The following STK32B variants were observed in gnomAD, a reference collection of about 807,000 sequenced individuals.
The protein encoded by STK32B is serine/threonine-protein kinase 32B.
In STK32B, 43 loss-of-function variants were observed where a neutral mutation model predicts 52.6. That is an observed-to-expected ratio of 0.82 (90% CI 0.64 to 1.05). STK32B has a LOEUF of 1.05. STK32B is among the 50% of genes least tolerant of loss of function. The pLI is 0.00. For missense variants in STK32B, 621 were observed against 534.6 expected (o/e 1.16, Z -1.59); for synonymous variants, 238 against 204.3 (o/e 1.17, Z -1.41).
intron 1 of STK32B, among the ~76,000 whole-genome samples, chr4:5,118,924 G>A (rs1344747604): frequency 1.3e-5 from 2 of 152,204 alleles, no homozygotes; most frequent in Non-Finnish European, 2.9e-5. Context: ...CAGCACCATA[G>A]ACGAGTGCTT....
chr4:5,157,695 T>G (rs1447613825), intron 2 of STK32B, among the ~76,000 whole-genome samples: 1 of 152,192 alleles, frequency 6.6e-6, no homozygotes, highest in Non-Finnish European at 1.5e-5. Context: ...AAGCGAGGAC[T>G]TAGAATGTGT....
intron 11 of STK32B, among the ~76,000 whole-genome samples, chr4:5,483,973 T>C (rs1304748802): frequency 6.6e-6 from 1 of 152,198 alleles, no homozygotes; most frequent in Non-Finnish European, 1.5e-5. Flanking sequence ...TAATTTCTGT[T>C]CTTTTACATT....
intron 1 of STK32B, among the ~76,000 whole-genome samples, chr4:5,118,791 G>C (rs1481149867): frequency 6.6e-6 from 1 of 152,190 alleles, no homozygotes; most frequent in African/African-American, 2.4e-5. Flanking sequence ...TCCCATGTCT[G>C]ACCCAGGTGG....
intron 4 of STK32B, among the ~76,000 whole-genome samples, chr4:5,355,386 G>C (rs750779590): frequency 6.6e-6 from 1 of 152,076 alleles, no homozygotes; most frequent in Non-Finnish European, 1.5e-5. Flanking sequence ...TACATGCCCA[G>C]ACTACCTCCA....
intron 1 of STK32B, among the ~76,000 whole-genome samples, chr4:5,109,539 A>G (rs751206117): frequency 1.1e-4 from 16 of 152,244 alleles, no homozygotes; most frequent in African/African-American, 1.7e-4. Flanking sequence ...AGATGCAGAA[A>G]AAGCAGATTG....
intron 3 of STK32B, among the ~76,000 whole-genome samples, chr4:5,318,026 A>G (rs1406120864): frequency 6.6e-6 from 1 of 152,126 alleles, no homozygotes; most frequent in African/African-American, 2.4e-5. Flanking sequence ...ATCCTTCTGA[A>G]TGCCTGCTGA....
chr4:5,100,094 C>A (rs939200075), intron 1 of STK32B, among the ~76,000 whole-genome samples: 9 of 152,052 alleles, frequency 5.9e-5, no homozygotes, highest in Non-Finnish European at 1.3e-4. Flanking sequence ...GAATGACTTG[C>A]CAAGGCCACA....
At chr4:5,090,002 G>A (rs750048484) in intron 1 of STK32B, among the ~76,000 whole-genome samples, 6 of 152,066 alleles carry the variant, frequency 3.9e-5, no homozygotes, top group African/African-American at 9.7e-5. Context: ...TGGTGGCTGC[G>A]TAAATGTTTT....
intron 6 of STK32B, among the ~76,000 whole-genome samples, chr4:5,446,026 T>A (rs1715381846): frequency 6.6e-6 from 1 of 152,256 alleles, no homozygotes; most frequent in South Asian, 2.1e-4. Context: ...TCACTCTGGG[T>A]TTACCCCACC....
chr4:5,034,699 C>T, the STK32B span, among the ~76,000 whole-genome samples: 1 of 152,168 alleles, frequency 6.6e-6, no homozygotes, highest in Admixed American at 6.5e-5. Flanking sequence ...GCGATATATT[C>T]AGACATCCCC....
intron 11 of STK32B, among the ~76,000 whole-genome samples, chr4:5,487,033 T>C (rs935356933): frequency 1.3e-5 from 2 of 152,214 alleles, no homozygotes; most frequent in Non-Finnish European, 2.9e-5. Context: ...ACCCAGTTCA[T>C]ATGATCAGTT....
intron 3 of STK32B, among the ~76,000 whole-genome samples, chr4:5,230,179 T>G (rs1385600491): frequency 1.1e-4 from 1 of 8,986 alleles, no homozygotes; most frequent in Admixed American, 8.3e-4. Flanking sequence ...ATGCATTCCC[T>G]TTTTTTTTTT....
At chr4:5,332,146 G>T (rs564728451) in intron 4 of STK32B, among the ~76,000 whole-genome samples, 1 of 152,188 alleles carries the variant, frequency 6.6e-6, no homozygotes, top group Non-Finnish European at 1.5e-5. Context: ...AGGTAAAGAT[G>T]ACAGATTAAG....
intron 1 of STK32B, among the ~76,000 whole-genome samples, chr4:5,127,316 G>C (rs1715464169): frequency 6.6e-6 from 1 of 152,174 alleles, no homozygotes; most frequent in Non-Finnish European, 1.5e-5. Flanking sequence ...TCCTGGTGAG[G>C]TTCACCTGGT....
In STK32B at chr4:5,398,393, T is replaced by A. The variant is rs541984657; in HGVS notation, c.472+149T>A. ...TTGTTTCAATCCTGGTGGATCAACATCTGTGTAAATTTCTGGTCCATGTCC... is the reference window on the plus strand; with the variant it reads ...TTGTTTCAATCCTGGTGGATCAACAACTGTGTAAATTTCTGGTCCATGTCC... On this transcript the variant is annotated intron_variant, in intron 5 of 11. Coordinates refer to ENST00000282908, the MANE Select transcript of STK32B (RefSeq NM_018401.3). This position sits in a 1 kb window ranked among gnomAD's most constrained non-coding sequence, Gnocchi z 4.9. 1.2e-6 allele frequency: 1 copy of A among 811,926 alleles called. No individual in the cohort carries two copies. Among genetic ancestry groups the A allele is most frequent in the African/African-American group, 1.7e-5 (1 of 58,218 alleles). 50.3% of individuals were successfully genotyped at this position (811,926 alleles called of 1,614,324 possible). A position where few individuals can be genotyped will look rare whatever the true frequency, so the allele number is the denominator to read the frequency against.
intron 5 of STK32B, among the ~76,000 whole-genome samples, chr4:5,405,163 T>G (rs1373743516): frequency 6.6e-6 from 1 of 151,844 alleles, no homozygotes; most frequent in Non-Finnish European, 1.5e-5. Flanking sequence ...TAGGCTAGGA[T>G]GTGTGTGAGA....
intron 1 of STK32B, among the ~76,000 whole-genome samples, chr4:5,135,825 AT>A (rs1048971888): frequency 3.3e-5 from 5 of 152,200 alleles, no homozygotes; most frequent in Admixed American, 3.3e-4. Context: ...TTTCCCAAAA[AT>A]GTCTCCATCT....
intron 3 of STK32B, among the ~76,000 whole-genome samples, chr4:5,311,432 TAAAC>T (rs1332126457): frequency 6.6e-6 from 1 of 151,904 alleles, no homozygotes; most frequent in East Asian, 1.9e-4. Context: ...AATGAAATAA[TAAAC>T]AGTAGAAATC....
intron 11 of STK32B, among the ~76,000 whole-genome samples, chr4:5,486,430 T>C (rs1295165774): frequency 6.6e-6 from 1 of 152,204 alleles, no homozygotes; most frequent in African/African-American, 2.4e-5. Context: ...CTAAGACCGT[T>C]GTAAAAGCAG....
Sources: allele counts gnomAD v4.1 joint callset (sites outside exome capture counted in the v4.1 genomes callset), GRCh38; gene constraint gnomAD v4.1.1; non-coding constraint Gnocchi (gnomAD v3.1); transcripts MANE v1.5; gene names NCBI Gene and HGNC (gene_info 2026-07-23, HGNC 2026-07-21).